CDKN2B-AS1: variants seen among roughly 807,000 people sequenced by gnomAD.
The protein encoded by CDKN2B-AS1 is CDKN2B and CDKN2A antisense cis and trans regulatory RNA 1.
chr9:22,088,441 GCACACA>G (rs3222818), intron 4 of CDKN2B-AS1, among the ~76,000 whole-genome samples: 107 of 149,886 alleles, frequency 7.1e-4, no homozygotes, highest in Middle Eastern at 6.9e-3. Context: ...AAATGTGCAA[GCACACA>G]CACACACACA....
rs1273338936 is a variant in CDKN2B-AS1, at chr9:22,071,602, C to T, written n.438+15215C>T. ...TTTTTGTGACCCTGGGTATTTCTTT[C>T]TGGGACTGTATTCATTGGATATGAG... On this transcript the variant is annotated intron_variant and non_coding_transcript_variant, in intron 4 of 4. Transcript: ENST00000650946. Among the ~76,000 whole-genome samples, 3 of 152,136 alleles carry T rather than the reference C, an allele frequency of 2.0e-5. No individual in the cohort carries two copies. In the East Asian group the frequency reaches 5.8e-4, roughly 29 times the overall value.
chr9:22,064,620 T>C (rs1452727912), intron 4 of CDKN2B-AS1, among the ~76,000 whole-genome samples: 1 of 152,112 alleles, frequency 6.6e-6, no homozygotes, highest in African/African-American at 2.4e-5. Context: ...GACAGAGATA[T>C]CTGAGGGTCT....
At chr9:22,050,017 G>T (rs1017264122) in intron 3 of CDKN2B-AS1, among the ~76,000 whole-genome samples, 1 of 152,106 alleles carries the variant, frequency 6.6e-6, no homozygotes. Context: ...AAACCAAGGG[G>T]TGAATTTTTA....
At chr9:22,107,500 A>G (rs944156994) in intron 4 of CDKN2B-AS1, among the ~76,000 whole-genome samples, 1 of 152,202 alleles carries the variant, frequency 6.6e-6, no homozygotes, top group Non-Finnish European at 1.5e-5. Context: ...TTACCTTGCA[A>G]TTCTAGCTTT....
rs146157447 is a variant in CDKN2B-AS1 at position 22,018,698 on chromosome 9, C to T, written n.29+23537C>T. Among the ~76,000 whole-genome samples the T allele has an allele frequency of 1.6e-4, 24 of 152,270 alleles. No homozygotes were observed. The East Asian group carries it at 2.5e-3, about 16-fold the overall frequency. ...TAATCCATGTATGTGATGTAAAGAGCGCCAACATGTTTATATCCTCCTATT... is the reference window on the plus strand; with the variant it reads ...TAATCCATGTATGTGATGTAAAGAGTGCCAACATGTTTATATCCTCCTATT... On this transcript the variant is annotated intron_variant and non_coding_transcript_variant, in intron 1 of 4. Coordinates refer to ENST00000650946, the Ensembl canonical transcript of CDKN2B-AS1.
chr9:22,002,263 C>G (rs1410423684), intron 1 of CDKN2B-AS1, among the ~76,000 whole-genome samples: 1 of 151,966 alleles, frequency 6.6e-6, no homozygotes, highest in African/African-American at 2.4e-5. Flanking sequence ...ACATTTGCCC[C>G]AGTAGGTAGT....
chr9:22,102,507 G>A (rs1379923070), intron 4 of CDKN2B-AS1, among the ~76,000 whole-genome samples: 1 of 152,174 alleles, frequency 6.6e-6, no homozygotes, highest in East Asian at 1.9e-4. Flanking sequence ...GCTCTCGGCA[G>A]AGGCTCTTGG....
chr9:22,023,877 A>G (rs1822116208), intron 1 of CDKN2B-AS1, among the ~76,000 whole-genome samples: 1 of 152,216 alleles, frequency 6.6e-6, no homozygotes, highest in Admixed American at 6.5e-5. Context: ...TTTTGTTACA[A>G]CATACTCCTA....
intron 4 of CDKN2B-AS1, among the ~76,000 whole-genome samples, chr9:22,061,512 T>C (rs1426774858): frequency 6.6e-6 from 1 of 152,184 alleles, no homozygotes; most frequent in Non-Finnish European, 1.5e-5. Context: ...ATTATTAATA[T>C]GTGTCTGACT....
At chr9:22,092,246 G>A (rs1333664601) in intron 4 of CDKN2B-AS1, 3 of 152,086 alleles carry the variant, frequency 2.0e-5, no homozygotes, top group Non-Finnish European at 4.4e-5. Context: ...GAAGATTTTT[G>A]CATCGATGTT....
intron 2 of CDKN2B-AS1, among the ~76,000 whole-genome samples, chr9:22,047,088 A>G (rs1364489694): frequency 6.6e-6 from 1 of 152,156 alleles, no homozygotes; most frequent in East Asian, 1.9e-4. Context: ...CATGTGATAC[A>G]GGTAAACTCA....
intron 4 of CDKN2B-AS1, among the ~76,000 whole-genome samples, chr9:22,064,227 A>G (rs1823941840): frequency 6.6e-6 from 1 of 152,140 alleles, no homozygotes; most frequent in Non-Finnish European, 1.5e-5. Context: ...GGTATTTCTA[A>G]TGACACAAAC....
chr9:22,062,986 C>CACACACACACACAT lies in CDKN2B-AS1; in HGVS notation n.438+6600_438+6601insCACACACACACATA, dbSNP rs374229516. 9.4e-4 allele frequency among the ~76,000 whole-genome samples: 129 copies of CACACACACACACAT among 136,806 alleles called. 1 individual carries two copies. The highest frequency in any genetic ancestry group is 2.7e-3 in the East Asian group (12 of 4,426). 89.8% of individuals were successfully genotyped at this position (136,806 alleles called of 152,430 possible). A position where few individuals can be genotyped will look rare whatever the true frequency, so the allele number is the denominator to read the frequency against. On this transcript the variant is annotated intron_variant and non_coding_transcript_variant, in intron 4 of 4. Transcript: ENST00000650946. The stretch of plus-strand genomic sequence containing the variant: ...TGTGTGTGAAAGACAGACACACACA[C>CACACACACACACAT]ATATATATATATAGAGAGAGAGAGA...
chr9:22,016,973 G>T (rs1019968872), intron 1 of CDKN2B-AS1, among the ~76,000 whole-genome samples: 1 of 152,164 alleles, frequency 6.6e-6, no homozygotes, highest in Non-Finnish European at 1.5e-5. Flanking sequence ...ATTGATTAGT[G>T]AATCTTTTTG....
intron 1 of CDKN2B-AS1, among the ~76,000 whole-genome samples, chr9:22,014,461 G>T (rs1011065680): frequency 1.1e-4 from 16 of 151,934 alleles, no homozygotes; most frequent in African/African-American, 3.9e-4. Flanking sequence ...CACTGTGCCT[G>T]GCCTGGAATA....
At chr9:22,094,823 A>T (rs1413646395) in intron 4 of CDKN2B-AS1, among the ~76,000 whole-genome samples, 1 of 144,446 alleles carries the variant, frequency 6.9e-6, no homozygotes, top group Non-Finnish European at 1.5e-5. Flanking sequence ...CGTCAAAGTC[A>T]TTCTCCATCC....
intron 1 of CDKN2B-AS1, among the ~76,000 whole-genome samples, chr9:21,998,680 A>C (rs556279268): frequency 3.6e-3 from 548 of 152,320 alleles, no homozygotes; most frequent in Admixed American, 0.01. Context: ...CAGCAAATTC[A>C]TTCCATAGGC....
At chr9:22,044,241 T>C (rs993526178) in intron 1 of CDKN2B-AS1, among the ~76,000 whole-genome samples, 5 of 152,010 alleles carry the variant, frequency 3.3e-5, no homozygotes, top group African/African-American at 1.2e-4. Context: ...GGTGGCAGAT[T>C]AACATAATTA....
At chr9:22,087,094 C>T (rs1824891305) in intron 4 of CDKN2B-AS1, among the ~76,000 whole-genome samples, 1 of 152,176 alleles carries the variant, frequency 6.6e-6, no homozygotes, top group South Asian at 2.1e-4. Flanking sequence ...TCAGGAGTAG[C>T]CTAAGGCCAT....
Sources: allele counts gnomAD v4.1 joint callset (sites outside exome capture counted in the v4.1 genomes callset), GRCh38; gene constraint gnomAD v4.1.1; transcripts MANE v1.5; gene names NCBI Gene and HGNC (gene_info 2026-07-23, HGNC 2026-07-21).